Variants in CDH23 observed in about 807,000 individuals in gnomAD.
The protein encoded by CDH23 is cadherin-23.
CDH23 carries 189 observed loss-of-function variants against 317.1 expected under a neutral mutation model. The ratio of observed to expected loss-of-function variants is 0.60; its 90% CI spans 0.53 to 0.67. The LOEUF is 0.67. Among genes scored for constraint, CDH23 ranks in the 30% least tolerant of loss-of-function variants. CDH23 has a pLI of 0.00. For synonymous variants in CDH23, 1,839 were observed against 1,876.8 expected (o/e 0.98, Z 0.52); for missense variants, 4,401 against 4,592.4 (o/e 0.96, Z 1.20).
At chr10:71,451,604 G>A (rs1012499345) in intron 3 of CDH23, among the ~76,000 whole-genome samples, 1 of 152,196 alleles carries the variant, frequency 6.6e-6, no homozygotes, top group East Asian at 1.9e-4. Flanking sequence ...AGATGCCACC[G>A]CCTCTGGGTG....
intron 2 of CDH23, among the ~76,000 whole-genome samples, chr10:71,441,044 A>G (rs1849851937): frequency 6.6e-6 from 1 of 151,734 alleles, no homozygotes; most frequent in Non-Finnish European, 1.5e-5. Context: ...TGGGAAGCTC[A>G]CTCCCATCCA....
intron 3 of CDH23, among the ~76,000 whole-genome samples, chr10:71,504,200 A>G (rs905210336): frequency 6.6e-6 from 1 of 152,140 alleles, no homozygotes; most frequent in African/African-American, 2.4e-5. Context: ...ATTGAATAAT[A>G]GTTCTCCATT....
intron 14 of CDH23, among the ~76,000 whole-genome samples, chr10:71,661,910 C>CCCTTCCACCCTGCGCGCCT (rs1256900016): frequency 7.5e-6 from 1 of 132,806 alleles, no homozygotes; most frequent in East Asian, 2.3e-4. Context: ...CCAGCGCGCC[C>CCCTTCCACCCTGCGCGCCT]CCTTCCACCC....
At chr10:71,587,715 G>A (rs1260827806) in intron 9 of CDH23, among the ~76,000 whole-genome samples, 3 of 152,190 alleles carry the variant, frequency 2.0e-5, no homozygotes, top group East Asian at 3.9e-4. Context: ...TCTTCTGGGG[G>A]CTTTGAACCT....
intron 1 of CDH23, among the ~76,000 whole-genome samples, chr10:71,413,952 TCTGATTGTTC>T (rs111417045): frequency 0.027 from 4,114 of 152,244 alleles, 128 homozygotes; most frequent in East Asian, 0.078. Context: ...TATTTCCTTT[TCTGATTGTTC>T]ATTATTGGTA....
Position 71,705,155 on chromosome 10 carries a change from T to C in CDH23, c.2953+25T>C, listed in dbSNP as rs762755844. 12 of 1,592,746 alleles carry C rather than the reference T, an allele frequency of 7.5e-6. No individual in the cohort carries two copies. In the East Asian group the frequency reaches 2.7e-4, roughly 36 times the overall value. On this transcript the variant is annotated intron_variant, in intron 25 of 69. Coordinates refer to ENST00000224721, the MANE Select transcript of CDH23 (RefSeq NM_022124.6). ...GGTGAGGGGGCGCAGGGGCTTCTGC[T>C]GTGTGCTCAGTGTGTGGGCACAGGC...
chr10:71,549,869 G>A (rs1856485250), intron 6 of CDH23, among the ~76,000 whole-genome samples: 1 of 152,214 alleles, frequency 6.6e-6, no homozygotes, highest in Non-Finnish European at 1.5e-5. Flanking sequence ...AGCTTGTGGG[G>A]CGGGGTCGGG....
intron 3 of CDH23, among the ~76,000 whole-genome samples, chr10:71,451,063 C>G (rs1320817209): frequency 6.6e-6 from 1 of 152,150 alleles, no homozygotes; most frequent in Non-Finnish European, 1.5e-5. Context: ...GCCAGTTGCC[C>G]AGGCCAAAAG....
intron 11 of CDH23, among the ~76,000 whole-genome samples, chr10:71,626,045 G>A (rs1861719252): frequency 6.6e-6 from 1 of 152,214 alleles, no homozygotes; most frequent in Non-Finnish European, 1.5e-5. Flanking sequence ...TGAAATTACA[G>A]CATGTATGAG....
chr10:71,546,696 A>C (rs1256580410), intron 6 of CDH23, among the ~76,000 whole-genome samples: 2 of 152,248 alleles, frequency 1.3e-5, no homozygotes, highest in Non-Finnish European at 2.9e-5. Flanking sequence ...CAGACAGAAC[A>C]GCATGAGCAA....
At chr10:71,667,490 TG>T (rs1863965937) in intron 14 of CDH23, among the ~76,000 whole-genome samples, 1 of 150,140 alleles carries the variant, frequency 6.7e-6, no homozygotes, top group Non-Finnish European at 1.5e-5. Context: ...TCTAGGAGAG[TG>T]TGCAGGGGGT....
chr10:71,810,040 C>T lies in CDH23; in HGVS notation c.8943C>T (p.Asn2981=), dbSNP rs1841871075. ...AGGAGTTCATCCACCTGCTCTCCAA[C>T]ATCACTGGGGCCATTGTCAATACTG... ...FEEEFIHLLS[N]ITGAIVNTDN... is the part of the protein sequence containing the mutation. Residue 2981 remains asparagine, a synonymous_variant, in exon 61 of 70, where the codon AAC becomes AAT. Coordinates refer to ENST00000224721, the MANE Select transcript of CDH23 (RefSeq NM_022124.6). 1 of 1,612,630 alleles carries T rather than the reference C, an allele frequency of 6.2e-7. No individual in the cohort carries two copies. Among genetic ancestry groups the T allele is most frequent in the Admixed American group, 1.7e-5 (1 of 60,012 alleles).
At chr10:71,470,516 G>A (rs1486098749) in intron 3 of CDH23, among the ~76,000 whole-genome samples, 3 of 131,262 alleles carry the variant, frequency 2.3e-5, no homozygotes, top group South Asian at 2.4e-4. Context: ...TTTTTTTTTT[G>A]TCTTGCTCTA....
intron 6 of CDH23, among the ~76,000 whole-genome samples, chr10:71,556,672 C>T (rs954130281): frequency 6.6e-6 from 1 of 151,864 alleles, no homozygotes; most frequent in Non-Finnish European, 1.5e-5. Flanking sequence ...TTGATATTAA[C>T]CTTTATCAAA....
intron 11 of CDH23, among the ~76,000 whole-genome samples, chr10:71,642,506 C>A (rs1487929201): frequency 6.9e-6 from 1 of 145,488 alleles, no homozygotes; most frequent in Non-Finnish European, 1.5e-5. Context: ...TCAAGCAATT[C>A]TCCTGTCTCA....
At chr10:71,529,686 T>C (rs1211597432) in intron 6 of CDH23, among the ~76,000 whole-genome samples, 1 of 152,132 alleles carries the variant, frequency 6.6e-6, no homozygotes, top group Non-Finnish European at 1.5e-5. Context: ...GAAGGGAAAC[T>C]AGAGTGTATC....
intron 3 of CDH23, among the ~76,000 whole-genome samples, chr10:71,489,289 C>T (rs998090797): frequency 6.6e-6 from 1 of 152,154 alleles, no homozygotes; most frequent in Non-Finnish European, 1.5e-5. Context: ...CTCTGTGTGG[C>T]GTTCTGGGTA....
intron 68 of CDH23, 128 bp downstream of exon 68, chr10:71,813,018 G>A: frequency 3.5e-6 from 5 of 1,436,706 alleles, no homozygotes; most frequent in Non-Finnish European, 9.4e-7. Flanking sequence ...AGAACACCAG[G>A]GCTGATGGGG....
intron 14 of CDH23, among the ~76,000 whole-genome samples, chr10:71,670,402 C>T (rs1227044): frequency 0.47 from 71,553 of 152,088 alleles, 17,687 homozygotes; most frequent in East Asian, 0.76. Context: ...ACAAACTTCT[C>T]TCCTTCACAG....
Sources: allele counts gnomAD v4.1 joint callset (sites outside exome capture counted in the v4.1 genomes callset), GRCh38; gene constraint gnomAD v4.1.1; transcripts MANE v1.5; gene names NCBI Gene and HGNC (gene_info 2026-07-23, HGNC 2026-07-21).